Variants in RBPJ observed in about 807,000 individuals in gnomAD.
RBPJ encodes the protein recombination signal binding protein for immunoglobulin kappa J region.
Under a neutral mutation model 67.8 loss-of-function variants are expected in RBPJ, and 9 were observed. The observed-to-expected ratio is 0.13, with a 90% confidence interval of 0.08 to 0.23. RBPJ has a LOEUF of 0.23. Ranked by LOEUF, RBPJ falls within the 10% of genes least tolerant of loss-of-function variation. The pLI is 1.00. For missense variants in RBPJ, 305 were observed against 595.6 expected (o/e 0.51, Z 5.08); for synonymous variants, 198 against 203.3 (o/e 0.97, Z 0.22).
At chr4:26,414,229 G>A (rs991586882) in intron 3 of RBPJ, among the ~76,000 whole-genome samples, 2 of 151,848 alleles carry the variant, frequency 1.3e-5, no homozygotes, top group African/African-American at 4.8e-5. Context: ...GAATGCAGCT[G>A]CACTATGACA....
chr4:26,346,293 C>G (rs1267783481), intron 1 of RBPJ, among the ~76,000 whole-genome samples: 1 of 152,188 alleles, frequency 6.6e-6, no homozygotes, highest in Admixed American at 6.5e-5. Flanking sequence ...CTGGCGACTG[C>G]GGATGTACTG....
At chr4:26,274,371 T>A (rs564020317) in intron 1 of RBPJ, among the ~76,000 whole-genome samples, 162 of 152,336 alleles carry the variant, frequency 1.1e-3, no homozygotes, top group African/African-American at 3.6e-3. Flanking sequence ...CTCACCCTTG[T>A]AATCACAGCA....
intron 4 of RBPJ, among the ~76,000 whole-genome samples, chr4:26,417,815 G>A (rs1283838721): frequency 1.3e-5 from 2 of 152,140 alleles, no homozygotes; most frequent in South Asian, 2.1e-4. Context: ...GGTACAATTA[G>A]TTATTGAGAA....
chr4:26,430,780 G>A lies in RBPJ; in HGVS notation c.1237G>A (p.Val413Ile), dbSNP rs547581274. The stretch of plus-strand genomic sequence containing the variant: ...GGTCCGGCAACCAGTCCAGGTTCCA[G>A]TAACTTTGGTCCGAAATGATGGAAT... ...RWVRQPVQVP[V>I]TLVRNDGIIY... Residue 413 changes from valine (V) to isoleucine (I), a missense_variant, in exon 11 of 11, where the codon GTA becomes ATA. Physicochemically the swap from Val to Ile is conservative, Grantham distance 29. Around this residue, in one of 7 missense-constraint regions of RBPJ, gnomAD observed 47 missense variants for 128.2 expected, o/e 0.37. Coordinates refer to ENST00000355476, the MANE Select transcript of RBPJ (RefSeq NM_015874.6). This position sits in a 1 kb window ranked among gnomAD's most constrained non-coding sequence, Gnocchi z 4.1. The A allele has an allele frequency of 6.2e-7, 1 of 1,614,090 alleles. No homozygotes were observed. The highest frequency in any genetic ancestry group is 8.5e-7 in the Non-Finnish European group (1 of 1,180,024).
At position 26,277,274 on chromosome 4, in the gene RBPJ, C is replaced by CAAAAAAAAAA. The variant is rs754017128; in HGVS notation, c.-166-85166_-166-85157dup. On this transcript the variant is annotated intron_variant, in intron 1 of 4. Coordinates refer to the RBPJ transcript ENST00000512351. ...GCGACAGAGCAAGACCCTGTTTGTT[C>CAAAAAAAAAA]AAAAAAAAAAAAAAAGTCAAAAGTC... 3.2e-3 allele frequency among the ~76,000 whole-genome samples: 365 copies of CAAAAAAAAAA among 113,390 alleles called. 7 individuals carry two copies. Among genetic ancestry groups the CAAAAAAAAAA allele is most frequent in the African/African-American group, 0.011 (343 of 32,290 alleles). The allele number at this position is 113,390 out of a possible 152,430, so 74.4% of individuals were successfully genotyped here.
chr4:26,291,104 A>T (rs184265601), intron 1 of RBPJ, among the ~76,000 whole-genome samples: 2 of 151,068 alleles, frequency 1.3e-5, no homozygotes, highest in African/African-American at 4.9e-5. Context: ...GACAAAATTA[A>T]TGTGCATGGA....
At chr4:26,395,655 A>C (rs1056228276) in intron 2 of RBPJ, among the ~76,000 whole-genome samples, 3 of 151,926 alleles carry the variant, frequency 2.0e-5, no homozygotes, top group Non-Finnish European at 2.9e-5. Flanking sequence ...CTAGCTCCCC[A>C]TTAGCCATTA....
the RBPJ span, among the ~76,000 whole-genome samples, chr4:26,125,498 G>A: frequency 6.6e-6 from 1 of 152,146 alleles, no homozygotes; most frequent in African/African-American, 2.4e-5. Flanking sequence ...CTGGAACAGG[G>A]AGAAAAATGG....
intron 1 of RBPJ, among the ~76,000 whole-genome samples, chr4:26,218,905 G>C (rs955400285): frequency 2.8e-4 from 42 of 152,104 alleles, no homozygotes; most frequent in African/African-American, 9.9e-4. Flanking sequence ...CTGCCTCTCA[G>C]TACCAGGCCT....
At chr4:26,276,344 T>A (rs1372247709) in intron 1 of RBPJ, among the ~76,000 whole-genome samples, 1 of 152,090 alleles carries the variant, frequency 6.6e-6, no homozygotes, top group East Asian at 1.9e-4. Context: ...AAGTTTCTAC[T>A]TTTAAGGTCT....
At chr4:26,195,461 A>G (rs1017702134) in intron 1 of RBPJ, among the ~76,000 whole-genome samples, 2 of 152,198 alleles carry the variant, frequency 1.3e-5, no homozygotes, top group African/African-American at 4.8e-5. Flanking sequence ...ACTGTCTCAA[A>G]TAATAATAAT....
chr4:26,175,672 G>A (rs1577437144), intron 1 of RBPJ, among the ~76,000 whole-genome samples: 1 of 152,152 alleles, frequency 6.6e-6, no homozygotes, highest in South Asian at 2.1e-4. Context: ...TGGCCCTGTG[G>A]TGTCACTCCC....
intron 2 of RBPJ, among the ~76,000 whole-genome samples, chr4:26,398,135 T>G (rs1732349316): frequency 6.6e-6 from 1 of 152,168 alleles, no homozygotes; most frequent in African/African-American, 2.4e-5. Flanking sequence ...ATAAGTTTCT[T>G]CATTAGAAGA....
chr4:26,200,660 G>GA (rs1249250553), intron 1 of RBPJ, among the ~76,000 whole-genome samples: 60 of 135,692 alleles, frequency 4.4e-4, no homozygotes, highest in African/African-American at 3.2e-4. Context: ...CTTTCTATCT[G>GA]AAAAAAAAAA....
At chr4:26,327,681 G>GA (rs1723781553) in intron 1 of RBPJ, among the ~76,000 whole-genome samples, 2 of 151,070 alleles carry the variant, frequency 1.3e-5, no homozygotes, top group South Asian at 4.2e-4. Context: ...CATAACAGGA[G>GA]AAAAAATATT....
chr4:26,407,541 T>A lies in RBPJ; in HGVS notation c.155+1271T>A, dbSNP rs551455953. 4.1e-4 allele frequency among the ~76,000 whole-genome samples: 63 copies of A among 152,354 alleles called. No homozygotes were observed. The South Asian group carries it at 0.012, about 29-fold the overall frequency. On this transcript the variant is annotated intron_variant, in intron 3 of 10. Coordinates refer to ENST00000355476, the MANE Select transcript of RBPJ (RefSeq NM_015874.6). ...GTTTCTTCACTTGGTTCCTGGAATTTTCTTTGAATAGTTTCTTGAGTCTGT... is the reference window on the plus strand; with the variant it reads ...GTTTCTTCACTTGGTTCCTGGAATTATCTTTGAATAGTTTCTTGAGTCTGT...
At chr4:26,349,085 T>TGCGCGCGCGC (rs1726502646) in intron 1 of RBPJ, among the ~76,000 whole-genome samples, 1 of 77,790 alleles carries the variant, frequency 1.3e-5, no homozygotes, top group South Asian at 4.7e-4. Context: ...TGTGTGTGTG[T>TGCGCGCGCGC]GTGCGCGCGC....
intron 1 of RBPJ, among the ~76,000 whole-genome samples, chr4:26,305,505 T>G (rs1230396770): frequency 2.0e-5 from 3 of 152,192 alleles, no homozygotes; most frequent in African/African-American, 7.2e-5. Context: ...TTCAACAATG[T>G]TTTGTAGATT....
chr4:26,260,981 C>G (rs1054560568), intron 1 of RBPJ, among the ~76,000 whole-genome samples: 1 of 152,174 alleles, frequency 6.6e-6, no homozygotes, highest in Non-Finnish European at 1.5e-5. Context: ...GGGCAAAGAA[C>G]ATGACCAATG....
Sources: gnomAD v4.1 joint callset for allele counts (sites outside exome capture counted in the v4.1 genomes callset) on GRCh38, gnomAD v4.1.1 for gene constraint, gnomAD v4.1.1 regional missense constraint, Gnocchi (gnomAD v3.1) non-coding constraint, MANE v1.5 for transcripts, NCBI Gene and HGNC (gene_info 2026-07-23, HGNC 2026-07-21) for gene names.